The following EIF4B variants were observed in gnomAD, a reference collection of about 807,000 sequenced individuals.
EIF4B encodes eukaryotic translation initiation factor 4B.
EIF4B carries 8 observed loss-of-function variants against 79.3 expected under a neutral mutation model. That is an observed-to-expected ratio of 0.10 (90% CI 0.06 to 0.18). EIF4B has a LOEUF of 0.18. EIF4B is among the 10% of genes least tolerant of loss of function. EIF4B has a pLI of 1.00. For synonymous variants in EIF4B, 238 were observed against 274.7 expected (o/e 0.87, Z 1.32); for missense variants, 515 against 792.4 (o/e 0.65, Z 4.20).
intron 6 of EIF4B, among the ~76,000 whole-genome samples, chr12:53,024,946 G>A (rs880002): frequency 0.8 from 121,558 of 152,064 alleles, 50,885 homozygotes; most frequent in Non-Finnish European, 0.93. Flanking sequence ...GTGAGCCAGC[G>A]CTCCCAGCAC....
chr12:53,020,040 G>A lies in EIF4B; in HGVS notation c.477+14G>A, dbSNP rs1198905897. On this transcript the variant is annotated intron_variant, in intron 4 of 14. Transcript: ENST00000262056. ...CTCAATGAAGAGGTAAAGAAAATAA[G>A]AGTGGGGATATGAGGGGTGTAAGTT... The A allele has an allele frequency of 4.4e-6, 7 of 1,594,634 alleles. No homozygotes were observed. The highest frequency in any genetic ancestry group is 6.0e-6 in the Non-Finnish European group (7 of 1,171,648).
At chr12:53,027,283 G>A (rs922848583) in intron 6 of EIF4B, among the ~76,000 whole-genome samples, 5 of 151,018 alleles carry the variant, frequency 3.3e-5, no homozygotes, top group Admixed American at 1.3e-4. Flanking sequence ...GCAGGTGTGC[G>A]TCACCACGCC....
intron 10 of EIF4B, among the ~76,000 whole-genome samples, chr12:53,036,580 A>T (rs533813037): frequency 7.2e-5 from 11 of 151,884 alleles, no homozygotes; most frequent in South Asian, 6.2e-4. Context: ...GGCTAAATTT[A>T]AAAAATTTGT....
intron 3 of EIF4B, among the ~76,000 whole-genome samples, chr12:53,019,364 A>G (rs1943199636): frequency 1.3e-5 from 2 of 150,106 alleles, no homozygotes; most frequent in African/African-American, 4.9e-5. Context: ...GCGCCATTGC[A>G]CTCCAGCCTG....
intron 11 of EIF4B, 175 bp from the exon 12 acceptor site, chr12:53,038,181 T>C (rs1266364409): frequency 1.6e-5 from 8 of 499,526 alleles, no homozygotes; most frequent in Admixed American, 7.8e-5. Flanking sequence ...TATGGCACTT[T>C]AGTGTTCAAA....
intron 4 of EIF4B, among the ~76,000 whole-genome samples, chr12:53,020,587 A>G (rs1943232622): frequency 6.6e-6 from 1 of 152,170 alleles, no homozygotes; most frequent in Non-Finnish European, 1.5e-5. Context: ...ATATCTCAGA[A>G]GAAAAAAGAC....
chr12:53,032,966 C>T (rs747990083), intron 8 of EIF4B, among the ~76,000 whole-genome samples: 9 of 152,034 alleles, frequency 5.9e-5, no homozygotes, highest in Non-Finnish European at 8.8e-5. Flanking sequence ...CCATTGCGCC[C>T]GGCCAGAACT....
chr12:53,027,955 A>G (rs747880886), intron 7 of EIF4B, 36 bp downstream of exon 7: 3 of 1,539,970 alleles, frequency 1.9e-6, no homozygotes, highest in South Asian at 1.1e-5. Flanking sequence ...TCTTTCAGTA[A>G]CTTTGCCTTT....
intron 13 of EIF4B, 34 bp from the exon 14 acceptor site, chr12:53,039,596 C>T: frequency 6.2e-7 from 1 of 1,611,752 alleles, no homozygotes; most frequent in Non-Finnish European, 8.5e-7. Flanking sequence ...GAGTCCTTTC[C>T]TAAAGACATG....
chr12:53,012,808 A>G (rs914261871), intron 1 of EIF4B, among the ~76,000 whole-genome samples: 5 of 151,486 alleles, frequency 3.3e-5, no homozygotes, highest in Non-Finnish European at 5.9e-5. Context: ...GGGTTTCACC[A>G]TGTTAGCCAG....
At chr12:53,028,701 A>C (rs943259546) in intron 8 of EIF4B, among the ~76,000 whole-genome samples, 1 of 152,176 alleles carries the variant, frequency 6.6e-6, no homozygotes, top group Non-Finnish European at 1.5e-5. Context: ...AAGTTGCCAG[A>C]TACTGTTATG....
At chr12:53,010,037 T>C (rs4919716) in intron 1 of EIF4B, among the ~76,000 whole-genome samples, 147,012 of 152,268 alleles carry the variant, frequency 0.97, 71,155 homozygotes, top group East Asian at 1. Context: ...GCTATGGTCC[T>C]GATAGTGGGA....
intron 1 of EIF4B, among the ~76,000 whole-genome samples, chr12:53,008,873 A>G (rs985795247): frequency 6.6e-6 from 1 of 152,108 alleles, no homozygotes; most frequent in African/African-American, 2.4e-5. Flanking sequence ...TGTCTCTACT[A>G]AAAATACAAA....
At chr12:53,024,108 C>T (rs1046215002) in intron 6 of EIF4B, among the ~76,000 whole-genome samples, 4 of 151,742 alleles carry the variant, frequency 2.6e-5, no homozygotes, top group South Asian at 4.2e-4. Context: ...AGTTGGGGTG[C>T]GGAAAGATAG....
At chr12:53,023,019 T>A (rs1046082260) in intron 6 of EIF4B, among the ~76,000 whole-genome samples, 1 of 151,912 alleles carries the variant, frequency 6.6e-6, no homozygotes, top group Non-Finnish European at 1.5e-5. Context: ...AAGAAAAAGC[T>A]GACGTGGTGG....
chr12:53,007,598 C>G (rs1207995803), intron 1 of EIF4B, among the ~76,000 whole-genome samples: 1 of 151,934 alleles, frequency 6.6e-6, no homozygotes, highest in African/African-American at 2.4e-5. Flanking sequence ...GCAGTGATGA[C>G]CCAACATCTT....
Position 53,018,836 on chromosome 12 carries a change from A to C in EIF4B, c.190A>C (p.Arg64=), listed in dbSNP as rs753834726. 1.9e-6 allele frequency: 3 copies of C among 1,613,236 alleles called. No individual in the cohort carries two copies. The African/African-American group carries it at 4.0e-5, about 22-fold the overall frequency. Residue 64 remains arginine, a synonymous_variant, in exon 3 of 15, where the codon AGG becomes CGG. Coordinates refer to ENST00000262056, the MANE Select transcript of EIF4B (RefSeq NM_001417.7). ...TWHSNDDDVY[R]APPIDRSILP... ...GCACAGTAACGATGACGATGTGTAT[A>C]GGGCGCCTCCAATTGACCGTTCCAT...
chr12:53,010,520 G>A (rs1017928358), intron 1 of EIF4B, among the ~76,000 whole-genome samples: 1 of 151,988 alleles, frequency 6.6e-6, no homozygotes, highest in African/African-American at 2.4e-5. Flanking sequence ...TCTTTTCATG[G>A]CTGGGCTGTA....
At chr12:53,015,141 T>C (rs186489594) in intron 1 of EIF4B, among the ~76,000 whole-genome samples, 29 of 152,340 alleles carry the variant, frequency 1.9e-4, no homozygotes, top group Admixed American at 7.2e-4. Context: ...CAGAGAGATC[T>C]AGGGAATATG....
Sources: gnomAD v4.1 joint callset for allele counts (sites outside exome capture counted in the v4.1 genomes callset) on GRCh38, gnomAD v4.1.1 for gene constraint, MANE v1.5 for transcripts, NCBI Gene and HGNC (gene_info 2026-07-23, HGNC 2026-07-21) for gene names.